The following CNMD variants were observed in gnomAD, a reference collection of about 807,000 sequenced individuals.
The protein encoded by CNMD is leukocyte cell-derived chemotaxin 1.
A neutral mutation model predicts 37.5 loss-of-function variants in CNMD; 30 were observed. The ratio of observed to expected loss-of-function variants is 0.80; its 90% CI spans 0.60 to 1.09. CNMD has a LOEUF of 1.09. CNMD is among the 50% of genes least tolerant of loss of function. The pLI is 0.00. For missense variants in CNMD, 398 were observed against 423.9 expected (o/e 0.94, Z 0.54); for synonymous variants, 167 against 148.2 (o/e 1.13, Z -0.92).
At chr13:52,709,866 G>T (rs1230158265) in intron 5 of CNMD, among the ~76,000 whole-genome samples, 1 of 152,120 alleles carries the variant, frequency 6.6e-6, no homozygotes, top group African/African-American at 2.4e-5. Flanking sequence ...CCAGCTACTT[G>T]GGAGGCTGAG....
chr13:52,726,407 A>G (rs1964573289), intron 3 of CNMD, among the ~76,000 whole-genome samples: 1 of 152,184 alleles, frequency 6.6e-6, no homozygotes, highest in Non-Finnish European at 1.5e-5. Flanking sequence ...CCTTGTATCA[A>G]AAATCCCCTG....
chr13:52,735,609 A>G (rs1964743983), intron 2 of CNMD, among the ~76,000 whole-genome samples: 1 of 151,920 alleles, frequency 6.6e-6, no homozygotes, highest in Non-Finnish European at 1.5e-5. Context: ...GCCACAATGG[A>G]AGAAGAATTG....
chr13:52,726,525 CATACAG>C (rs1248943649), intron 3 of CNMD, among the ~76,000 whole-genome samples: 1 of 146,418 alleles, frequency 6.8e-6, no homozygotes, highest in African/African-American at 2.5e-5. Flanking sequence ...AAAAAAAAAA[CATACAG>C]AGACTATACT....
chr13:52,738,120 A>G (rs1964804682), intron 2 of CNMD, among the ~76,000 whole-genome samples: 1 of 152,226 alleles, frequency 6.6e-6, no homozygotes, highest in Non-Finnish European at 1.5e-5. Flanking sequence ...AGCAATCACC[A>G]ATCCTCTGAG....
At chr13:52,736,705 C>G (rs745731383) in intron 2 of CNMD, among the ~76,000 whole-genome samples, 1 of 152,078 alleles carries the variant, frequency 6.6e-6, no homozygotes, top group Non-Finnish European at 1.5e-5. Flanking sequence ...CTTTTACAGC[C>G]AAGGATATTT....
At chr13:52,709,971 C>CA (rs1185043503) in intron 5 of CNMD, among the ~76,000 whole-genome samples, 2 of 151,558 alleles carry the variant, frequency 1.3e-5, no homozygotes, top group African/African-American at 2.4e-5. Context: ...AACTCCATCT[C>CA]AAAAAAAAGT....
chr13:52,730,327 G>A (rs1964643803), intron 3 of CNMD, among the ~76,000 whole-genome samples: 1 of 151,944 alleles, frequency 6.6e-6, no homozygotes, highest in African/African-American at 2.4e-5. Flanking sequence ...TAATCCTTTG[G>A]GTATATACCC....
intron 5 of CNMD, 104 bp from the exon 6 acceptor site, chr13:52,708,806 G>A (rs78973911): frequency 1.0e-6 from 1 of 977,712 alleles, no homozygotes; most frequent in African/African-American, 1.6e-5. Flanking sequence ...CAAAATTTGT[G>A]CATAACCAGA....
chr13:52,737,963 A>G (rs1393615478), intron 2 of CNMD, among the ~76,000 whole-genome samples: 2 of 152,256 alleles, frequency 1.3e-5, no homozygotes, highest in African/African-American at 2.4e-5. Context: ...GCTTATCTAC[A>G]TTAGACATTT....
At chr13:52,738,696 G>A (rs1964817998) in intron 2 of CNMD, among the ~76,000 whole-genome samples, 1 of 152,120 alleles carries the variant, frequency 6.6e-6, no homozygotes, top group Non-Finnish European at 1.5e-5. Flanking sequence ...TTTCCCTTCA[G>A]GACGAGTACA....
intron 3 of CNMD, among the ~76,000 whole-genome samples, chr13:52,729,637 C>T (rs1380894108): frequency 6.6e-6 from 1 of 152,080 alleles, no homozygotes; most frequent in Non-Finnish European, 1.5e-5. Flanking sequence ...ATATGAAGTC[C>T]ATATTTTTAA....
At chr13:52,736,421 G>A (rs115009938) in intron 2 of CNMD, among the ~76,000 whole-genome samples, 3,034 of 152,220 alleles carry the variant, frequency 0.02, 97 homozygotes, top group African/African-American at 0.068. Flanking sequence ...GAGCCACCAC[G>A]CCTGGCCTGC....
chr13:52,719,135 G>T (rs1964438399), intron 4 of CNMD, among the ~76,000 whole-genome samples: 1 of 152,214 alleles, frequency 6.6e-6, no homozygotes, highest in Non-Finnish European at 1.5e-5. Flanking sequence ...TTTTATCAGA[G>T]ACTAGGATTG....
chr13:52,708,828 T>G (rs192455730), intron 5 of CNMD, 126 bp from the exon 6 acceptor site: 1 of 696,536 alleles, frequency 1.4e-6, no homozygotes, highest in African/African-American at 1.8e-5. Flanking sequence ...GGCTTAAAAT[T>G]TTTGTACTGA....
At chr13:52,715,283 C>T (rs1264294528) in intron 4 of CNMD, among the ~76,000 whole-genome samples, 1 of 152,048 alleles carries the variant, frequency 6.6e-6, no homozygotes, top group African/African-American at 2.4e-5. Flanking sequence ...TACCATCCTC[C>T]CTTCCCCCAA....
intron 3 of CNMD, among the ~76,000 whole-genome samples, chr13:52,732,264 C>T (rs1181201622): frequency 6.6e-6 from 1 of 152,124 alleles, no homozygotes; most frequent in East Asian, 1.9e-4. Context: ...GAAGTTTCAC[C>T]TACTCCATCT....
At chr13:52,711,390 A>G (rs969209079) in intron 5 of CNMD, among the ~76,000 whole-genome samples, 2 of 152,218 alleles carry the variant, frequency 1.3e-5, no homozygotes, top group African/African-American at 2.4e-5. Context: ...GTGACCACCC[A>G]TAGGAGCAAG....
intron 4 of CNMD, among the ~76,000 whole-genome samples, chr13:52,717,229 A>G (rs1235229383): frequency 6.6e-6 from 1 of 152,186 alleles, no homozygotes; most frequent in Non-Finnish European, 1.5e-5. Flanking sequence ...TTATCAGCTT[A>G]AAGAGATTTT....
At chr13:52,711,590 G>T (rs1403309081) in intron 5 of CNMD, among the ~76,000 whole-genome samples, 1 of 152,172 alleles carries the variant, frequency 6.6e-6, no homozygotes, top group African/African-American at 2.4e-5. Flanking sequence ...GCCTCACCCA[G>T]GCTGGAGAGG....
Sources: allele counts gnomAD v4.1 joint callset (sites outside exome capture counted in the v4.1 genomes callset), GRCh38; gene constraint gnomAD v4.1.1; transcripts MANE v1.5; gene names NCBI Gene and HGNC (gene_info 2026-07-23, HGNC 2026-07-21).